GARRE1: variants seen among roughly 807,000 people sequenced by gnomAD.
The protein encoded by GARRE1 is granule associated Rac and RHOG effector 1.
A neutral mutation model predicts 103.2 loss-of-function variants in GARRE1; 49 were observed. The observed-to-expected ratio is 0.47, with a 90% confidence interval of 0.38 to 0.60. The LOEUF (loss-of-function observed/expected upper bound fraction) is 0.60. Among genes scored for constraint, GARRE1 ranks in the 20% least tolerant of loss-of-function variants. The pLI, the probability that GARRE1 is intolerant of heterozygous loss-of-function variation, is 0.00. For missense variants in GARRE1, 1,199 were observed against 1,370.5 expected (o/e 0.87, Z 1.98); for synonymous variants, 505 against 532.8 (o/e 0.95, Z 0.72).
chr19:34,307,146 A>G (rs770754413), intron 2 of GARRE1, among the ~76,000 whole-genome samples: 1 of 152,112 alleles, frequency 6.6e-6, no homozygotes, highest in Non-Finnish European at 1.5e-5. Flanking sequence ...GTGAGGTCAG[A>G]AGGGTAAAGA....
At chr19:34,283,462 A>C (rs1202895844) in intron 1 of GARRE1, among the ~76,000 whole-genome samples, 1 of 152,218 alleles carries the variant, frequency 6.6e-6, no homozygotes, top group Admixed American at 6.5e-5. Context: ...TGTGGGAATG[A>C]TAATATCATC....
At chr19:34,277,456 A>G (rs1172520198) in intron 1 of GARRE1, among the ~76,000 whole-genome samples, 1 of 152,178 alleles carries the variant, frequency 6.6e-6, no homozygotes, top group African/African-American at 2.4e-5. Flanking sequence ...CCTATGAAAA[A>G]ACACGTGAAA....
chr19:34,321,779 A>G (rs920198826), intron 3 of GARRE1, among the ~76,000 whole-genome samples: 5 of 152,160 alleles, frequency 3.3e-5, no homozygotes, highest in Non-Finnish European at 4.4e-5. Flanking sequence ...CTGGGCCAAC[A>G]TGAAGTCTTT....
At chr19:34,281,210 A>T (rs1246426556) in intron 1 of GARRE1, among the ~76,000 whole-genome samples, 2 of 152,028 alleles carry the variant, frequency 1.3e-5, no homozygotes, top group Non-Finnish European at 2.9e-5. Flanking sequence ...AGCCTCCACC[A>T]CCTGGGCTCA....
intron 1 of GARRE1, among the ~76,000 whole-genome samples, chr19:34,281,557 A>G (rs1476909091): frequency 6.6e-6 from 1 of 151,994 alleles, no homozygotes; most frequent in Non-Finnish European, 1.5e-5. Flanking sequence ...CCAAAGTGCT[A>G]GGATTACAGT....
chr19:34,265,006 G>C (rs1407273279), intron 1 of GARRE1, among the ~76,000 whole-genome samples: 3 of 151,874 alleles, frequency 2.0e-5, no homozygotes, highest in African/African-American at 7.3e-5. Flanking sequence ...TATGTTCCTT[G>C]TGTCTGGGCC....
chr19:34,296,253 C>A (rs1599760661), intron 1 of GARRE1: 3 of 641,672 alleles, frequency 4.7e-6, no homozygotes, highest in South Asian at 1.9e-5. Context: ...TCCTTCTGTT[C>A]TCACATTTGT....
intron 3 of GARRE1, among the ~76,000 whole-genome samples, chr19:34,327,161 A>G (rs939107750): frequency 1.4e-4 from 21 of 151,276 alleles, no homozygotes; most frequent in African/African-American, 3.9e-4. Context: ...TCTCAAAATA[A>G]AATAAAATAA....
At chr19:34,262,421 A>C (rs1348475308) in intron 1 of GARRE1, among the ~76,000 whole-genome samples, 1 of 146,752 alleles carries the variant, frequency 6.8e-6, no homozygotes, top group Non-Finnish European at 1.5e-5. Context: ...TTGGCCTCCC[A>C]AGTAGCTGGG....
At position 34,352,048 on chromosome 19, in the gene GARRE1, T is replaced by C. The variant is rs112134795; in HGVS notation, c.2904+456T>C. Among the ~76,000 whole-genome samples, 1,237 of 152,196 alleles carry C rather than the reference T, an allele frequency of 8.1e-3. 8 individuals are homozygous for C. The highest frequency in any genetic ancestry group is 0.028 in the African/African-American group (1,153 of 41,514). Reference sequence around the variant, plus strand: ...AGGAATTTGAGATTACAGTAAGCTATGATTGCACCATTGCACTCCAGCCTG... The same window carrying C: ...AGGAATTTGAGATTACAGTAAGCTACGATTGCACCATTGCACTCCAGCCTG... On this transcript the variant is annotated intron_variant, in intron 13 of 13. Transcript: ENST00000299505.
intron 7 of GARRE1, among the ~76,000 whole-genome samples, chr19:34,333,241 C>T (rs1446890734): frequency 6.7e-6 from 1 of 148,412 alleles, no homozygotes; most frequent in South Asian, 2.2e-4. Context: ...GGGGTTTCAC[C>T]ATGTTGGCCA....
At chr19:34,257,231 C>T (rs1290130060) in intron 1 of GARRE1, among the ~76,000 whole-genome samples, 2 of 151,866 alleles carry the variant, frequency 1.3e-5, no homozygotes, top group Admixed American at 6.6e-5. Context: ...CTGTTGAAAA[C>T]CTATAGCCTA....
intron 8 of GARRE1, among the ~76,000 whole-genome samples, chr19:34,337,476 A>G (rs1294298801): frequency 6.6e-6 from 1 of 152,236 alleles, no homozygotes; most frequent in Non-Finnish European, 1.5e-5. Flanking sequence ...GGAGCCTGTC[A>G]TGCAGAGAGC....
chr19:34,257,973 T>G (rs2073685699), intron 1 of GARRE1, among the ~76,000 whole-genome samples: 3 of 150,000 alleles, frequency 2.0e-5, no homozygotes, highest in South Asian at 2.1e-4. Context: ...CACTGCAACC[T>G]CTGGCTCCAG....
At chr19:34,299,301 A>G (rs2073964613) in intron 1 of GARRE1, among the ~76,000 whole-genome samples, 1 of 152,132 alleles carries the variant, frequency 6.6e-6, no homozygotes, top group South Asian at 2.1e-4. Flanking sequence ...AAAGTTTATG[A>G]GTGCTGTGTG....
At chr19:34,306,983 G>A (rs1029071913) in intron 2 of GARRE1, among the ~76,000 whole-genome samples, 1 of 152,132 alleles carries the variant, frequency 6.6e-6, no homozygotes, top group Non-Finnish European at 1.5e-5. Context: ...AAAGGGATGA[G>A]AGAGCAAGCC....
intron 1 of GARRE1, among the ~76,000 whole-genome samples, chr19:34,298,975 T>C (rs2073962762): frequency 6.6e-6 from 1 of 152,112 alleles, no homozygotes; most frequent in Admixed American, 6.5e-5. Flanking sequence ...AGGCTCCCGC[T>C]CTGCACACCC....
chr19:34,328,069 C>T lies in GARRE1; in HGVS notation c.1022C>T (p.Thr341Ile), dbSNP rs549886624. The change falls in exon 6 of 14, where the codon ACC (threonine) becomes ATC (isoleucine). Residue 341 changes from threonine (T) to isoleucine (I), a missense_variant. Physicochemically the swap from Thr to Ile is moderately conservative, Grantham distance 89. Transcript: ENST00000299505. ...PPQPMQCELP[T>I]VPVQIGSHFL... is the part of the protein sequence containing the mutation. ...CAGCCCATGCAGTGTGAGCTCCCCA[C>T]CGTCCCTGTGCAGATAGGATCGCAC... The T allele has an allele frequency of 1.2e-6, 2 of 1,614,214 alleles. No homozygotes were observed. The highest frequency in any genetic ancestry group is 2.7e-5 in the African/African-American group (2 of 75,062).
At chr19:34,296,279 C>T (rs972754133) in intron 1 of GARRE1, 4 of 694,408 alleles carry the variant, frequency 5.8e-6, no homozygotes, top group African/African-American at 1.8e-5. Flanking sequence ...GAGATATCTA[C>T]TCTGAAGCCT....
Sources: gnomAD v4.1 joint callset for allele counts (sites outside exome capture counted in the v4.1 genomes callset) on GRCh38, gnomAD v4.1.1 for gene constraint, MANE v1.5 for transcripts, NCBI Gene and HGNC (gene_info 2026-07-23, HGNC 2026-07-21) for gene names.